Variants in ADAM10 observed in about 807,000 individuals in gnomAD.
ADAM10 encodes the protein ADAM metallopeptidase domain 10, also known as disintegrin and metalloproteinase domain-containing protein 10.
Under a neutral mutation model 90.1 loss-of-function variants are expected in ADAM10, and 17 were observed. That is an observed-to-expected ratio of 0.19 (90% confidence interval 0.13 to 0.28). The LOEUF is 0.28. Ranked by LOEUF, ADAM10 falls within the 10% of genes least tolerant of loss-of-function variation. ADAM10 has a pLI of 1.00. For missense variants in ADAM10, 610 were observed against 914.3 expected (o/e 0.67, Z 4.29); for synonymous variants, 310 against 298.6 (o/e 1.04, Z -0.40).
At chr15:58,599,225 A>G (rs1410743281) in intron 15 of ADAM10, among the ~76,000 whole-genome samples, 1 of 152,054 alleles carries the variant, frequency 6.6e-6, no homozygotes, top group Non-Finnish European at 1.5e-5. Flanking sequence ...ATGAAGGACA[A>G]CAATATGAGA....
At chr15:58,660,057 A>G (rs1287267273) in intron 5 of ADAM10, among the ~76,000 whole-genome samples, 1 of 152,242 alleles carries the variant, frequency 6.6e-6, no homozygotes, top group Non-Finnish European at 1.5e-5. Flanking sequence ...AAGGACTTTA[A>G]GACTGTCTTT....
intron 3 of ADAM10, among the ~76,000 whole-genome samples, chr15:58,681,069 C>T (rs530269073): frequency 3.7e-4 from 56 of 152,296 alleles, no homozygotes; most frequent in Admixed American, 3.6e-3. Context: ...CCTCAGCCTC[C>T]CAAAGCACTG....
intron 8 of ADAM10, among the ~76,000 whole-genome samples, chr15:58,636,488 T>C (rs1222151783): frequency 3.3e-5 from 5 of 152,190 alleles, no homozygotes; most frequent in African/African-American, 9.7e-5. Context: ...TCAAACTCAA[T>C]TGCTATATAT....
intron 5 of ADAM10, among the ~76,000 whole-genome samples, 165 bp downstream of exon 5, chr15:58,664,932 T>C (rs147856464): frequency 8.9e-4 from 136 of 152,252 alleles, no homozygotes; most frequent in African/African-American, 3.0e-3. Context: ...CTCAGTCCTA[T>C]CTCTTTATTA....
At chr15:58,650,542 A>G (rs558135412) in intron 5 of ADAM10, among the ~76,000 whole-genome samples, 1 of 152,266 alleles carries the variant, frequency 6.6e-6, no homozygotes, top group Non-Finnish European at 1.5e-5. Context: ...TTTCATCCTC[A>G]GCCTCATGTG....
chr15:58,674,196 A>G (rs76580729), intron 4 of ADAM10, among the ~76,000 whole-genome samples: 1,799 of 152,272 alleles, frequency 0.012, 11 homozygotes, highest in South Asian at 0.024. Flanking sequence ...TTCCCAAGAG[A>G]TTAACTCAGA....
At chr15:58,665,020 C>A (rs1172812401) in intron 5 of ADAM10, 77 bp downstream of exon 5, 1 of 1,148,770 alleles carries the variant, frequency 8.7e-7, no homozygotes, top group African/African-American at 1.5e-5. Flanking sequence ...AATCCTAGAA[C>A]ATATATTTTA....
Position 58,596,676 on chromosome 15 carries a change from T to C in ADAM10, c.*871A>G, listed in dbSNP as rs200864099. ...GCATGAATAAAATTTCACCTATTAA[T>C]TGAAAAATGGAATTGAATTAGAAAG... On this transcript the variant is annotated 3_prime_UTR_variant, in exon 16 of 16. Transcript: ENST00000260408. The C allele has an allele frequency of 5.9e-5, 9 of 152,260 alleles. No individual in the cohort carries two copies. The highest frequency in any genetic ancestry group is 1.3e-4 in the Non-Finnish European group (9 of 68,008). 9.4% of individuals were successfully genotyped at this position (152,260 alleles called of 1,614,324 possible).
chr15:58,749,323 G>C lies in ADAM10; in HGVS notation c.55+157C>G, dbSNP rs865860051. 3.3e-5 allele frequency among the ~76,000 whole-genome samples: 5 copies of C among 152,056 alleles called. No individual in the cohort carries two copies. In the South Asian group the frequency reaches 1.0e-3, roughly 31 times the overall value. On this transcript the variant is annotated intron_variant, in intron 1 of 15. Transcript: ENST00000260408. Reference sequence around the variant, plus strand: ...GAAGGGAAAGCGGTCGGGGCGCGGGGGACAATAGGGAGCGGGGAGCGCGGC... The same window carrying C: ...GAAGGGAAAGCGGTCGGGGCGCGGGCGACAATAGGGAGCGGGGAGCGCGGC...
chr15:58,614,315 A>G (rs1007714778), intron 11 of ADAM10, among the ~76,000 whole-genome samples: 1 of 151,774 alleles, frequency 6.6e-6, no homozygotes, highest in Non-Finnish European at 1.5e-5. Flanking sequence ...AAGAAAGAAA[A>G]AAAAAAGAAA....
In ADAM10 at chr15:58,702,952, C is replaced by T. The variant is rs76704338; in HGVS notation, c.206+14625G>A. Among the ~76,000 whole-genome samples, 36 of 152,180 alleles carry T rather than the reference C, an allele frequency of 2.4e-4. 1 individual carries two copies. The highest frequency in any genetic ancestry group is 1.9e-4 in the East Asian group (1 of 5,182). On this transcript the variant is annotated intron_variant, in intron 2 of 15. Coordinates refer to ENST00000260408, the MANE Select transcript of ADAM10 (RefSeq NM_001110.4). The stretch of plus-strand genomic sequence containing the variant: ...ATCAGGAATTTGACATAATTTATTC[C>T]GTTAACCAAGCGACTGGATTATAGC...
At chr15:58,698,336 C>T (rs11632492) in intron 2 of ADAM10, 4 of 433,840 alleles carry the variant, frequency 9.2e-6, no homozygotes, top group Non-Finnish European at 1.8e-5. Flanking sequence ...CTGTGGGAGG[C>T]TGAGGCAGGT....
chr15:58,655,742 C>CTTTT (rs71116585), intron 5 of ADAM10, among the ~76,000 whole-genome samples: 3 of 39,662 alleles, frequency 7.6e-5, no homozygotes, highest in Non-Finnish European at 1.3e-4. Context: ...TATATATATT[C>CTTTT]TTTTTTTTTT....
intron 1 of ADAM10, among the ~76,000 whole-genome samples, chr15:58,722,220 T>C (rs573000706): frequency 4.0e-5 from 6 of 151,676 alleles, no homozygotes; most frequent in Non-Finnish European, 5.9e-5. Context: ...CATGCATCTA[T>C]AACACCAGCT....
chr15:58,629,594 A>C (rs1446734866), intron 9 of ADAM10: 1 of 152,240 alleles, frequency 6.6e-6, no homozygotes, highest in Non-Finnish European at 1.5e-5. Flanking sequence ...TGTGACAAGA[A>C]AACAGAAAAA....
At chr15:58,658,410 A>G (rs1257650621) in intron 5 of ADAM10, among the ~76,000 whole-genome samples, 3 of 152,188 alleles carry the variant, frequency 2.0e-5, no homozygotes, top group African/African-American at 7.2e-5. Context: ...CTTTATACTA[A>G]GTCTTAAAAA....
Position 58,596,532 on chromosome 15 carries a change from C to G in ADAM10, c.*1015G>C, listed in dbSNP as rs1894955895. The stretch of plus-strand genomic sequence containing the variant: ...CCGTTTAAATATTTTGATAAAGACA[C>G]AGCTTTTCTTTTCCATATCAGACAG... On this transcript the variant is annotated 3_prime_UTR_variant, in exon 16 of 16. Transcript: ENST00000260408. The G allele has an allele frequency of 6.6e-6, 1 of 152,606 alleles. No homozygotes were observed. Among genetic ancestry groups the G allele is most frequent in the South Asian group, 2.1e-4 (1 of 4,836 alleles). 9.5% of individuals were successfully genotyped at this position (152,606 alleles called of 1,614,324 possible).
chr15:58,652,821 G>A (rs1452489937), intron 5 of ADAM10, among the ~76,000 whole-genome samples: 1 of 151,964 alleles, frequency 6.6e-6, no homozygotes, highest in African/African-American at 2.4e-5. Context: ...TGTAATTATG[G>A]ACATTTTAAC....
At chr15:58,721,559 C>T (rs1898853949) in intron 1 of ADAM10, among the ~76,000 whole-genome samples, 1 of 152,106 alleles carries the variant, frequency 6.6e-6, no homozygotes, top group African/African-American at 2.4e-5. Context: ...CCCCTCTGCC[C>T]CCACCCCACA....
Sources: gnomAD v4.1 joint callset for allele counts (sites outside exome capture counted in the v4.1 genomes callset) on GRCh38, gnomAD v4.1.1 for gene constraint, MANE v1.5 for transcripts, NCBI Gene and HGNC (gene_info 2026-07-23, HGNC 2026-07-21) for gene names.